CRPPA: variants seen among roughly 807,000 people sequenced by gnomAD.
The protein encoded by CRPPA is D-ribitol-5-phosphate cytidylyltransferase.
A neutral mutation model predicts 52.0 loss-of-function variants in CRPPA; 43 were observed. The observed-to-expected ratio is 0.83, with a 90% CI of 0.65 to 1.07. The LOEUF is 1.07. Among genes scored for constraint, CRPPA ranks in the 50% least tolerant of loss-of-function variants. The pLI, the probability that CRPPA is intolerant of heterozygous loss-of-function variation, is 0.00. For missense variants in CRPPA, 629 were observed against 551.7 expected (o/e 1.14, Z -1.40); for synonymous variants, 250 against 203.5 (o/e 1.23, Z -1.94).
intron 9 of CRPPA, among the ~76,000 whole-genome samples, chr7:16,165,918 C>T (rs1781055444): frequency 6.6e-6 from 1 of 152,218 alleles, no homozygotes; most frequent in Admixed American, 6.5e-5. Flanking sequence ...CTGTGGAGCT[C>T]TAGCTACTTT....
intron 6 of CRPPA, among the ~76,000 whole-genome samples, chr7:16,273,174 G>A (rs1176217839): frequency 2.2e-5 from 3 of 138,328 alleles, no homozygotes; most frequent in African/African-American, 8.1e-5. Flanking sequence ...GATACAAACA[G>A]GAGACACGGA....
chr7:16,321,842 A>G (rs1215972237), intron 3 of CRPPA, among the ~76,000 whole-genome samples: 1 of 152,178 alleles, frequency 6.6e-6, no homozygotes, highest in African/African-American at 2.4e-5. Context: ...CCTTTTCCGA[A>G]GAAAATATTT....
chr7:16,371,576 A>G (rs966402942), intron 3 of CRPPA, among the ~76,000 whole-genome samples: 1 of 152,126 alleles, frequency 6.6e-6, no homozygotes, highest in Non-Finnish European at 1.5e-5. Context: ...AATAAATTCA[A>G]GAACAATTTG....
In CRPPA at chr7:16,308,621, C is replaced by T. The variant is rs1784967390; in HGVS notation, c.691G>A (p.Asp231Asn). The change falls in exon 4 of 10, where the codon GAC becomes AAC. Residue 231 changes from aspartate to asparagine, a missense_variant. Coordinates refer to ENST00000407010, the MANE Select transcript of CRPPA (RefSeq NM_001101426.4). ...VIYEAYQQCSDYDLEFGTECL... is the reference protein window; with the variant it reads ...VIYEAYQQCSNYDLEFGTECL... ...TCAGTTCCAAATTCCAAGTCATAGT[C>T]ACTACACTGGTGTGGAAACAACAAC... is the stretch of plus-strand genomic sequence containing the variant. The T allele has an allele frequency of 6.3e-7, 1 of 1,587,282 alleles. No homozygotes were observed. The highest frequency in any genetic ancestry group is 1.7e-5 in the Admixed American group (1 of 59,308).
intron 3 of CRPPA, among the ~76,000 whole-genome samples, chr7:16,342,359 A>G (rs1288933736): frequency 2.0e-5 from 3 of 152,204 alleles, no homozygotes; most frequent in Non-Finnish European, 2.9e-5. Context: ...ATGACATGGG[A>G]GAAAATATGC....
At chr7:16,382,972 G>A (rs1212127473) in intron 2 of CRPPA, among the ~76,000 whole-genome samples, 2 of 152,182 alleles carry the variant, frequency 1.3e-5, no homozygotes. Flanking sequence ...TTGATCATCT[G>A]AAGCCTTCTT....
At chr7:16,202,198 C>A (rs1304347042) in intron 9 of CRPPA, among the ~76,000 whole-genome samples, 1 of 152,074 alleles carries the variant, frequency 6.6e-6, no homozygotes, top group Middle Eastern at 3.2e-3. Context: ...TCAGTTTGTA[C>A]TCATGTTTAT....
At chr7:16,297,967 C>T (rs1784709074) in intron 5 of CRPPA, among the ~76,000 whole-genome samples, 1 of 152,116 alleles carries the variant, frequency 6.6e-6, no homozygotes, top group South Asian at 2.1e-4. Context: ...TCTAAATAAC[C>T]CTGATTAATA....
intron 1 of CRPPA, among the ~76,000 whole-genome samples, chr7:16,420,541 C>A (rs965106816): frequency 6.6e-6 from 1 of 152,120 alleles, no homozygotes; most frequent in African/African-American, 2.4e-5. Context: ...CCCTTTCCAC[C>A]ATTGAAAGGT....
intron 1 of CRPPA, among the ~76,000 whole-genome samples, chr7:16,420,471 A>G (rs1179930940): frequency 6.6e-6 from 1 of 151,998 alleles, no homozygotes; most frequent in Non-Finnish European, 1.5e-5. Context: ...TTCCCCAACT[A>G]GTTAACTTCA....
At chr7:16,157,189 T>TA (rs1221474843) in intron 9 of CRPPA, among the ~76,000 whole-genome samples, 7 of 151,822 alleles carry the variant, frequency 4.6e-5, no homozygotes, top group African/African-American at 1.5e-4. Flanking sequence ...TGCAATTTTT[T>TA]TTTTTTTTTT....
chr7:16,360,769 T>C (rs537389357), intron 3 of CRPPA, among the ~76,000 whole-genome samples: 5 of 152,272 alleles, frequency 3.3e-5, no homozygotes, highest in South Asian at 2.1e-4. Flanking sequence ...GCAAGAATTA[T>C]AGAAATCTTA....
chr7:16,102,310 G>A lies in CRPPA; in HGVS notation c.1252-10511C>T, dbSNP rs1370037195. On this transcript the variant is annotated intron_variant, in intron 9 of 9. Coordinates refer to ENST00000407010, the MANE Select transcript of CRPPA (RefSeq NM_001101426.4). ...ATACCTTATACAAAAATTAACTCAA[G>A]ATGGATTAAAAACTTCAACGTAAGA... Among the ~76,000 whole-genome samples the A allele has an allele frequency of 2.0e-5, 3 of 152,216 alleles. No homozygotes were observed. The East Asian group carries it at 5.8e-4, about 29-fold the overall frequency.
intron 9 of CRPPA, among the ~76,000 whole-genome samples, chr7:16,170,320 C>A (rs1781153311): frequency 2.0e-5 from 3 of 152,126 alleles, no homozygotes; most frequent in Admixed American, 2.0e-4. Context: ...AATTGGTGGG[C>A]TCTTGGTTTC....
chr7:16,216,915 A>C (rs1782339916), intron 8 of CRPPA, among the ~76,000 whole-genome samples: 1 of 151,956 alleles, frequency 6.6e-6, no homozygotes, highest in South Asian at 2.1e-4. Flanking sequence ...GCAGCCGGGA[A>C]GCTCCAACTG....
intron 2 of CRPPA, among the ~76,000 whole-genome samples, chr7:16,386,541 T>C (rs1438997823): frequency 6.6e-6 from 1 of 152,202 alleles, no homozygotes; most frequent in African/African-American, 2.4e-5. Flanking sequence ...GAACAATAGA[T>C]ACATAGATAA....
At chr7:16,216,352 T>A in intron 8 of CRPPA, 155 bp from the exon 9 acceptor site, 1 of 513,742 alleles carries the variant, frequency 1.9e-6, no homozygotes, top group Non-Finnish European at 3.4e-6. Flanking sequence ...AAGCCATACT[T>A]AAGATCGATG....
chr7:16,379,531 T>G (rs1787013891), intron 2 of CRPPA, among the ~76,000 whole-genome samples: 1 of 152,300 alleles, frequency 6.6e-6, no homozygotes, highest in South Asian at 2.1e-4. Context: ...ATGAAGAAAG[T>G]CATTGGTAGC....
chr7:16,380,918 T>C (rs2128313048), intron 2 of CRPPA, among the ~76,000 whole-genome samples: 1 of 152,108 alleles, frequency 6.6e-6, no homozygotes, highest in South Asian at 2.1e-4. Context: ...TCTATCAATT[T>C]TGTTGATCCT....
Sources: gnomAD v4.1 joint callset for allele counts (sites outside exome capture counted in the v4.1 genomes callset) on GRCh38, gnomAD v4.1.1 for gene constraint, MANE v1.5 for transcripts, NCBI Gene and HGNC (gene_info 2026-07-23, HGNC 2026-07-21) for gene names.